The following GCFC2 variants were observed in gnomAD, a reference collection of about 807,000 sequenced individuals.
GCFC2 encodes intron Large complex component GCFC2.
A neutral mutation model predicts 99.4 loss-of-function variants in GCFC2; 102 were observed. The ratio of observed to expected loss-of-function variants is 1.03; its 90% CI spans 0.87 to 1.21. The LOEUF (loss-of-function observed/expected upper bound fraction) is 1.21, where lower values mean the gene tolerates loss of function less well. GCFC2 is among the 50% of genes most tolerant of loss of function. The probability of loss-of-function intolerance (pLI) is 0.00; values close to 1 mark genes in which losing one functional copy is unlikely to be tolerated. For synonymous variants in GCFC2, 338 were observed against 316.8 expected, an observed-to-expected ratio of 1.07 and a Z score of -0.71; for missense variants, 973 against 920.9, an observed-to-expected ratio of 1.06 and a Z score of -0.73.
At chr2:75,712,482 A>G (rs1475693564), upstream of GCFC2, among the ~76,000 whole-genome samples, 1 of 152,166 alleles carries the variant, frequency 6.6e-6, no homozygotes, top group African/African-American at 2.4e-5. Flanking sequence ...CCCTGTCAAA[A>G]CAGGCCGCTG....
At chr2:75,676,620 C>T (rs1019967991) in intron 12 of GCFC2, among the ~76,000 whole-genome samples, 13 of 152,162 alleles carry the variant, frequency 8.5e-5, no homozygotes, top group Non-Finnish European at 1.5e-4. Flanking sequence ...ATAGCACACA[C>T]ATACTAGGAG....
At chr2:75,698,748 A>G (rs1031006710) in intron 4 of GCFC2, among the ~76,000 whole-genome samples, 1 of 152,188 alleles carries the variant, frequency 6.6e-6, no homozygotes, top group Non-Finnish European at 1.5e-5. Context: ...ACAGTGGCTC[A>G]TACCTGTAAT....
chr2:75,701,473 G>C (rs1414417445), intron 3 of GCFC2, 186 bp from the exon 4 acceptor site: 1 of 583,406 alleles, frequency 1.7e-6, no homozygotes, highest in Admixed American at 3.1e-5. Flanking sequence ...GCAAATATTG[G>C]GAGGTTAAGT....
At chr2:75,687,195 T>C (rs1212669199) in intron 11 of GCFC2, among the ~76,000 whole-genome samples, 1 of 152,024 alleles carries the variant, frequency 6.6e-6, no homozygotes, top group Non-Finnish European at 1.5e-5. Flanking sequence ...CTTGGCCTCC[T>C]AAAGTTCCAG....
chr2:75,685,683 A>G (rs1013448574), intron 11 of GCFC2, among the ~76,000 whole-genome samples: 63 of 152,126 alleles, frequency 4.1e-4, no homozygotes, highest in African/African-American at 1.5e-3. Flanking sequence ...AGTCAATTTT[A>G]TACATTAAAT....
At chr2:75,696,051 A>G (rs1458806101) in intron 5 of GCFC2, 149 bp downstream of exon 5, 4 of 433,600 alleles carry the variant, frequency 9.2e-6, no homozygotes, top group South Asian at 1.3e-4. Context: ...AATGAAATAA[A>G]TTGTGTTAGT....
intron 12 of GCFC2, among the ~76,000 whole-genome samples, chr2:75,676,304 A>G (rs745958362): frequency 1.8e-4 from 28 of 152,184 alleles, no homozygotes; most frequent in Non-Finnish European, 3.8e-4. Context: ...GAGGCTGCCC[A>G]TAACTTTGGA....
chr2:75,669,257 T>C (rs1678980567), intron 15 of GCFC2, among the ~76,000 whole-genome samples: 13 of 152,192 alleles, frequency 8.5e-5, no homozygotes. Flanking sequence ...CAACTTTTTA[T>C]TTCCTAGATT....
chr2:75,701,713 A>C, intron 3 of GCFC2: 1 of 258,010 alleles, frequency 3.9e-6, no homozygotes, highest in Non-Finnish European at 6.1e-6. Context: ...TCTGAAAAAA[A>C]TATTATTTAA....
Position 75,690,647 on chromosome 2 carries a change from T to G in GCFC2, c.1217A>C (p.Glu406Ala). Residue 406 changes from glutamate (E) to alanine (A), a missense_variant, in exon 8 of 17, where the codon GAA becomes GCA. Transcript: ENST00000321027. ...EKTQWILEEI[E>A]SRRTKRRQAR... ...CACTTTATATAGGTACCTTCGAGATTCAATCTCTTCTAAAATCCACTGAGT... is the reference window on the plus strand; with the variant it reads ...CACTTTATATAGGTACCTTCGAGATGCAATCTCTTCTAAAATCCACTGAGT... 6.8e-7 allele frequency: 1 copy of G among 1,479,022 alleles called. No homozygotes were observed. Among genetic ancestry groups the G allele is most frequent in the African/African-American group, 1.4e-5 (1 of 72,332 alleles). The allele number at this position is 1,479,022 out of a possible 1,614,324, so 91.6% of individuals were successfully genotyped here. A position where few individuals can be genotyped will look rare whatever the true frequency, so the allele number is the denominator to read the frequency against.
In GCFC2 at chr2:75,668,335, T is replaced by TAAACA. The variant is rs1163618336; in HGVS notation, c.2103+1802_2103+1803insTGTTT. Among the ~76,000 whole-genome samples, 69 of 150,664 alleles carry TAAACA rather than the reference T, an allele frequency of 4.6e-4. 1 individual carries two copies. The highest frequency in any genetic ancestry group is 1.7e-3 in the African/African-American group (67 of 40,516). On this transcript the variant is annotated intron_variant, in intron 15 of 16. Coordinates refer to ENST00000321027, the MANE Select transcript of GCFC2 (RefSeq NM_003203.5). ...TGGAGCTTAGAATGCATATAAGTGC[T>TAAACA]AAAGAAAACAAAACAAAACAAAACA...
At chr2:75,679,793 A>AT (rs11423284) in intron 12 of GCFC2, 15,906 of 401,622 alleles carry the variant, frequency 0.04, 798 homozygotes, top group East Asian at 0.13. Context: ...TATATTCATA[A>AT]TCCTGAAAGA....
chr2:75,699,289 T>C (rs572282696), intron 4 of GCFC2, among the ~76,000 whole-genome samples: 1 of 152,334 alleles, frequency 6.6e-6, no homozygotes, highest in Non-Finnish European at 1.5e-5. Context: ...GGTTAGTTCT[T>C]AGGACATAAA....
At chr2:75,706,889 G>A (rs1333681497) in intron 1 of GCFC2, among the ~76,000 whole-genome samples, 1 of 151,688 alleles carries the variant, frequency 6.6e-6, no homozygotes, top group African/African-American at 2.4e-5. Flanking sequence ...CCAAAAGTAT[G>A]CAATGAGAAA....
chr2:75,673,002 T>C lies in GCFC2; in HGVS notation c.1889+442A>G, dbSNP rs188002954. Among the ~76,000 whole-genome samples, 124 of 152,298 alleles carry C rather than the reference T, an allele frequency of 8.1e-4. 1 individual carries two copies. The Middle Eastern group carries it at 0.01, about 13-fold the overall frequency. ...AATTTGCATCCTCATAGAGTATGTG[T>C]ACACATGTTTTGAAAACACTATAGT... On this transcript the variant is annotated intron_variant, in intron 13 of 16. Coordinates refer to ENST00000321027, the MANE Select transcript of GCFC2 (RefSeq NM_003203.5).
intron 15 of GCFC2, among the ~76,000 whole-genome samples, chr2:75,668,339 GAAAAC>G (rs368695001): frequency 0.023 from 3,433 of 151,730 alleles, 37 homozygotes; most frequent in African/African-American, 0.041. Flanking sequence ...AAGTGCTAAA[GAAAAC>G]AAAACAAAAC....
At chr2:75,701,152 C>T (rs1558751070) in intron 4 of GCFC2, 38 bp downstream of exon 4, 1 of 1,061,598 alleles carries the variant, frequency 9.4e-7, no homozygotes, top group Non-Finnish European at 1.5e-6. Flanking sequence ...TTATAGCAGC[C>T]ACAGGAATCT....
intron 14 of GCFC2, chr2:75,670,509 T>C: frequency 2.7e-6 from 1 of 367,252 alleles, no homozygotes; most frequent in Non-Finnish European, 5.1e-6. Context: ...TCCCCAAATC[T>C]ATCTCAAATA....
At chr2:75,684,951 C>G (rs1679744977) in intron 11 of GCFC2, among the ~76,000 whole-genome samples, 1 of 152,148 alleles carries the variant, frequency 6.6e-6, no homozygotes, top group Non-Finnish European at 1.5e-5. Context: ...TCTCAGCAAA[C>G]TAACACCAGA....
Sources: allele counts gnomAD v4.1 joint callset (sites outside exome capture counted in the v4.1 genomes callset), GRCh38; gene constraint gnomAD v4.1.1; transcripts MANE v1.5; gene names NCBI Gene and HGNC (gene_info 2026-07-23, HGNC 2026-07-21).